Variants in AP2B1 observed in about 807,000 individuals in gnomAD.
AP2B1 encodes adaptor related protein complex 2 subunit beta 1.
A neutral mutation model predicts 102.0 loss-of-function variants in AP2B1; 23 were observed. The ratio of observed to expected loss-of-function variants is 0.23; its 90% confidence interval spans 0.16 to 0.32. AP2B1 has a LOEUF of 0.32. Among genes scored for constraint, AP2B1 ranks in the 10% least tolerant of loss-of-function variants. The probability of loss-of-function intolerance (pLI) is 1.00; values close to 1 mark genes in which losing one functional copy is unlikely to be tolerated. For missense variants in AP2B1, 541 were observed against 1,157.4 expected (o/e 0.47, Z 7.73); for synonymous variants, 381 against 421.2 (o/e 0.90, Z 1.17).
intron 20 of AP2B1, 104 bp from the exon 21 acceptor site, chr17:35,717,091 T>A (rs1269141951): frequency 7.7e-7 from 1 of 1,297,930 alleles, no homozygotes; most frequent in African/African-American, 1.5e-5. Flanking sequence ...TGACAGTACT[T>A]GTCAGGGAAC....
intron 13 of AP2B1, among the ~76,000 whole-genome samples, chr17:35,652,171 T>A (rs2075103876): frequency 6.6e-6 from 1 of 152,216 alleles, no homozygotes; most frequent in African/African-American, 2.4e-5. Flanking sequence ...CTTCACAATT[T>A]CTTTTGTGGT....
At chr17:35,698,165 C>T (rs1238511615) in intron 18 of AP2B1, among the ~76,000 whole-genome samples, 3 of 152,032 alleles carry the variant, frequency 2.0e-5, no homozygotes, top group Non-Finnish European at 2.9e-5. Flanking sequence ...GGTGGGAAAT[C>T]GGTGTGATAA....
intron 2 of AP2B1, among the ~76,000 whole-genome samples, chr17:35,596,550 G>A (rs2073282678): frequency 6.7e-6 from 1 of 149,246 alleles, no homozygotes. Flanking sequence ...GGGGAGGTCA[G>A]GTTTTAATGT....
chr17:35,713,885 T>A (rs587668570), intron 20 of AP2B1: 97 of 152,352 alleles, frequency 6.4e-4, no homozygotes, highest in African/African-American at 2.3e-3. Context: ...GTCTCTCCTT[T>A]CTAGCACCGA....
At position 35,662,996 on chromosome 17, in the gene AP2B1, A is replaced by G. The variant is rs181987935; in HGVS notation, c.1989+5205A>G. Among the ~76,000 whole-genome samples the G allele has an allele frequency of 1.2e-4, 19 of 152,260 alleles. No homozygotes were observed. The East Asian group carries it at 3.3e-3, about 26-fold the overall frequency. On this transcript the variant is annotated intron_variant, in intron 14 of 21. Transcript: ENST00000610402. ...ACTGCCTTTTCCTGACCCTCAGTCCATGTTTTTCCCACTGTTTCTTTCAGG... is the reference window on the plus strand; with the variant it reads ...ACTGCCTTTTCCTGACCCTCAGTCCGTGTTTTTCCCACTGTTTCTTTCAGG...
chr17:35,605,987 A>G (rs225284), intron 4 of AP2B1, 147 bp downstream of exon 4: 2 of 1,324,176 alleles, frequency 1.5e-6, no homozygotes, highest in Admixed American at 6.0e-5. Flanking sequence ...TCATCCAGGG[A>G]AATTCAAACC....
chr17:35,720,812 T>C (rs1555592817), intron 21 of AP2B1, among the ~76,000 whole-genome samples: 1 of 151,410 alleles, frequency 6.6e-6, no homozygotes, highest in Non-Finnish European at 1.5e-5. Context: ...GGTGACTAGG[T>C]TCTCTGCCCA....
chr17:35,614,800 A>G (rs568886206), intron 5 of AP2B1, among the ~76,000 whole-genome samples: 2 of 152,304 alleles, frequency 1.3e-5, no homozygotes, highest in East Asian at 3.9e-4. Context: ...TTTAATTTGA[A>G]CTTTTGCTTG....
intron 2 of AP2B1, among the ~76,000 whole-genome samples, chr17:35,595,376 T>C (rs1333267230): frequency 1.3e-5 from 2 of 151,866 alleles, no homozygotes; most frequent in African/African-American, 4.8e-5. Flanking sequence ...AGACCCTATC[T>C]CTATGAAAAA....
Position 35,725,084 on chromosome 17 carries a change from C to T in AP2B1, c.*1385C>T, listed in dbSNP as rs781855643. ...TCTTCATGATACTTAGTCTGCAGGGCATATTAAGATCATCCCAGAGGTTCA... is the reference window on the plus strand; with the variant it reads ...TCTTCATGATACTTAGTCTGCAGGGTATATTAAGATCATCCCAGAGGTTCA... On this transcript the variant is annotated 3_prime_UTR_variant, in exon 22 of 22. Coordinates refer to ENST00000610402, the MANE Select transcript of AP2B1 (RefSeq NM_001030006.2). The T allele has an allele frequency of 1.3e-5, 2 of 152,168 alleles. No homozygotes were observed. The highest frequency in any genetic ancestry group is 2.4e-5 in the African/African-American group (1 of 41,432). 9.4% of individuals were successfully genotyped at this position (152,168 alleles called of 1,614,324 possible).
chr17:35,678,653 A>C (rs912707016), intron 17 of AP2B1, among the ~76,000 whole-genome samples: 3 of 152,242 alleles, frequency 2.0e-5, no homozygotes, highest in Admixed American at 6.5e-5. Flanking sequence ...GATGGATTAC[A>C]TCAGTTGACT....
chr17:35,588,468 G>A (rs554780718), intron 1 of AP2B1, among the ~76,000 whole-genome samples: 54 of 152,278 alleles, frequency 3.5e-4, no homozygotes, highest in African/African-American at 1.3e-3. Flanking sequence ...AAGAAAAAAT[G>A]TTTTGAAAAC....
At chr17:35,593,823 C>T (rs962782846) in intron 1 of AP2B1, among the ~76,000 whole-genome samples, 185 bp from the exon 2 acceptor site, 2 of 152,154 alleles carry the variant, frequency 1.3e-5, no homozygotes. Flanking sequence ...GCCCCATTAG[C>T]TTGAGGAGTT....
At chr17:35,611,465 G>A (rs190375271) in intron 5 of AP2B1, among the ~76,000 whole-genome samples, 153 of 128,768 alleles carry the variant, frequency 1.2e-3, no homozygotes, top group African/African-American at 4.0e-3. Context: ...CAGTAAAGTC[G>A]TGTGTGTGTG....
intron 18 of AP2B1, among the ~76,000 whole-genome samples, chr17:35,695,508 A>G (rs1269473309): frequency 6.6e-6 from 1 of 152,030 alleles, no homozygotes; most frequent in African/African-American, 2.4e-5. Flanking sequence ...AATTCTTGCT[A>G]TACCACTGGC....
chr17:35,704,628 G>A (rs1473074652), intron 18 of AP2B1, among the ~76,000 whole-genome samples: 2 of 152,130 alleles, frequency 1.3e-5, no homozygotes, highest in Non-Finnish European at 2.9e-5. Context: ...GGGTGCTGTG[G>A]GGAGGTGTTA....
chr17:35,660,918 G>A (rs1397704627), intron 14 of AP2B1, among the ~76,000 whole-genome samples: 1 of 152,198 alleles, frequency 6.6e-6, no homozygotes, highest in Non-Finnish European at 1.5e-5. Flanking sequence ...AGGGAGAATA[G>A]TGTAGCTAGG....
In AP2B1 at chr17:35,639,768, C is replaced by T. The variant is rs1372489030; in HGVS notation, c.1437+8C>T. 1.9e-6 allele frequency: 3 copies of T among 1,611,764 alleles called. No individual in the cohort carries two copies. In the African/African-American group the frequency reaches 4.0e-5, roughly 22 times the overall value. ...CACGATGAAAGCACCCAGGTAAGTT[C>T]TTGTCTCTTGTCTATCCTAGTAGTT... On this transcript the variant is annotated splice_region_variant and intron_variant, in intron 11 of 21. Transcript: ENST00000610402.
intron 3 of AP2B1, 68 bp from the exon 4 acceptor site, chr17:35,605,637 T>C (rs2073649985): frequency 1.8e-6 from 2 of 1,091,938 alleles, no homozygotes; most frequent in Non-Finnish European, 2.7e-6. Context: ...AGGCTATTCA[T>C]GTTCTGTCCA....
Sources: allele counts gnomAD v4.1 joint callset (sites outside exome capture counted in the v4.1 genomes callset), GRCh38; gene constraint gnomAD v4.1.1; transcripts MANE v1.5; gene names NCBI Gene and HGNC (gene_info 2026-07-23, HGNC 2026-07-21).